ST3GAL3: variants seen among roughly 807,000 people sequenced by gnomAD.
ST3GAL3 encodes CMP-N-acetylneuraminate-beta-1,4-galactoside alpha-2,3-sialyltransferase.
A neutral mutation model predicts 50.1 loss-of-function variants in ST3GAL3; 21 were observed. The observed-to-expected ratio is 0.42, with a 90% CI of 0.30 to 0.60. The LOEUF is 0.60. Among genes scored for constraint, ST3GAL3 ranks in the 20% least tolerant of loss-of-function variants. The pLI, the probability that ST3GAL3 is intolerant of heterozygous loss-of-function variation, is 0.19. For missense variants in ST3GAL3, 353 were observed against 489.4 expected (o/e 0.72, Z 2.63); for synonymous variants, 183 against 190.0 (o/e 0.96, Z 0.30).
At chr1:43,797,621 A>G (rs1431141286) in intron 3 of ST3GAL3, among the ~76,000 whole-genome samples, 1 of 152,228 alleles carries the variant, frequency 6.6e-6, no homozygotes, top group Admixed American at 6.5e-5. Flanking sequence ...CTCAGCAAAC[A>G]TAGAAAGGAA....
chr1:43,760,588 T>A (rs1689911878), intron 2 of ST3GAL3, among the ~76,000 whole-genome samples: 1 of 152,110 alleles, frequency 6.6e-6, no homozygotes, highest in Non-Finnish European at 1.5e-5. Context: ...ACCCCGTCTC[T>A]ACTAAAAAAT....
At chr1:43,745,561 A>G (rs952339633) in intron 2 of ST3GAL3, among the ~76,000 whole-genome samples, 3 of 152,368 alleles carry the variant, frequency 2.0e-5, no homozygotes, top group African/African-American at 2.4e-5. Context: ...GTGACAGACC[A>G]CATATGCAAA....
chr1:43,919,015 C>T (rs1454249689), intron 9 of ST3GAL3: 2 of 145,426 alleles, frequency 1.4e-5, no homozygotes, highest in African/African-American at 5.0e-5. Flanking sequence ...TTTATCCATT[C>T]TAAGTTTAGT....
At chr1:43,710,566 G>A (rs751341746) in intron 1 of ST3GAL3, among the ~76,000 whole-genome samples, 7 of 152,112 alleles carry the variant, frequency 4.6e-5, no homozygotes, top group African/African-American at 7.2e-5. Context: ...TATCTGTTGC[G>A]TTAGGCACAG....
At chr1:43,744,346 T>C in intron 2 of ST3GAL3, among the ~76,000 whole-genome samples, 1 of 151,766 alleles carries the variant, frequency 6.6e-6, no homozygotes, top group East Asian at 1.9e-4. Context: ...ACCTCCTGGG[T>C]TCAAGCGATT....
At chr1:43,825,657 C>G (rs1051722239) in intron 4 of ST3GAL3, among the ~76,000 whole-genome samples, 11 of 152,164 alleles carry the variant, frequency 7.2e-5, no homozygotes, top group African/African-American at 2.7e-4. Context: ...GAAATATGGG[C>G]TTCATCTCAA....
At chr1:43,886,685 C>G (rs1020980347) in intron 5 of ST3GAL3, among the ~76,000 whole-genome samples, 3 of 152,080 alleles carry the variant, frequency 2.0e-5, no homozygotes, top group Non-Finnish European at 4.4e-5. Flanking sequence ...ACAGTAGTCC[C>G]AGAGGAGTAA....
At chr1:43,882,992 C>G (rs1316952825) in intron 5 of ST3GAL3, among the ~76,000 whole-genome samples, 5 of 121,690 alleles carry the variant, frequency 4.1e-5, no homozygotes, top group Non-Finnish European at 9.6e-5. Context: ...GACAGGCTCT[C>G]ACTCTGTTGC....
chr1:43,731,035 TA>T (rs1379697251), intron 1 of ST3GAL3, among the ~76,000 whole-genome samples: 2 of 152,006 alleles, frequency 1.3e-5, no homozygotes, highest in African/African-American at 2.4e-5. Flanking sequence ...TACTTAGTCT[TA>T]TTTTTTTTTT....
chr1:43,738,464 G>A (rs1401705388), intron 2 of ST3GAL3: 1 of 151,954 alleles, frequency 6.6e-6, no homozygotes, highest in Non-Finnish European at 1.5e-5. Context: ...CACCCTGCAT[G>A]GCTTACTAAA....
chr1:43,832,936 C>T (rs2063739799), intron 4 of ST3GAL3, among the ~76,000 whole-genome samples: 1 of 152,126 alleles, frequency 6.6e-6, no homozygotes, highest in South Asian at 2.1e-4. Flanking sequence ...ATGCATGTCC[C>T]CCTAGCATGG....
chr1:43,764,639 C>G (rs1005851296), intron 2 of ST3GAL3, among the ~76,000 whole-genome samples: 1 of 152,216 alleles, frequency 6.6e-6, no homozygotes, highest in Non-Finnish European at 1.5e-5. Flanking sequence ...AGTAAAAGGC[C>G]TCAGCCCACC....
intron 1 of ST3GAL3, among the ~76,000 whole-genome samples, chr1:43,731,437 T>C (rs1675773241): frequency 7.0e-6 from 1 of 143,240 alleles, no homozygotes; most frequent in Non-Finnish European, 1.5e-5. Flanking sequence ...CGGGCTGGAG[T>C]GCAGTGGCGC....
chr1:43,824,974 C>T lies in ST3GAL3; in HGVS notation c.209+10041C>T. 4.2e-6 allele frequency: 3 copies of T among 712,538 alleles called. No homozygotes were observed. The South Asian group carries it at 4.5e-5, about 11-fold the overall frequency. 44.1% of individuals were successfully genotyped at this position (712,538 alleles called of 1,614,324 possible). A position where few individuals can be genotyped will look rare whatever the true frequency, so the allele number is the denominator to read the frequency against. On this transcript the variant is annotated intron_variant, in intron 4 of 11. Coordinates refer to ENST00000347631, the MANE Select transcript of ST3GAL3 (RefSeq NM_006279.5). ...CCTGTCTCAGGAAGTCTCCACTTCC[C>T]CAGGTAATTGATACCAAGAATAAAT...
intron 1 of ST3GAL3, chr1:43,709,532 T>G (rs888509857): frequency 1.3e-5 from 2 of 151,840 alleles, no homozygotes; most frequent in Non-Finnish European, 2.9e-5. Context: ...CACAGGCAGG[T>G]GACCTGGAGA....
At chr1:43,917,708 A>T (rs1392188231) in intron 9 of ST3GAL3, among the ~76,000 whole-genome samples, 1 of 128,844 alleles carries the variant, frequency 7.8e-6, no homozygotes, top group Non-Finnish European at 1.6e-5. Context: ...TCACTCTGTC[A>T]TTCACGCTGG....
At chr1:43,734,032 C>T (rs1034267956) in intron 1 of ST3GAL3, among the ~76,000 whole-genome samples, 1 of 151,994 alleles carries the variant, frequency 6.6e-6, no homozygotes, top group Non-Finnish European at 1.5e-5. Flanking sequence ...ATCGCTTGAA[C>T]CCGGGGAGGT....
At position 43,849,667 on chromosome 1, in the gene ST3GAL3, C is replaced by T. The variant is rs78740486; in HGVS notation, c.302+11356C>T. 3.3e-3 allele frequency among the ~76,000 whole-genome samples: 508 copies of T among 152,280 alleles called. 2 individuals carry two copies. Among genetic ancestry groups the T allele is most frequent in the Admixed American group, 5.1e-3 (78 of 15,300 alleles). On this transcript the variant is annotated intron_variant, in intron 5 of 11. Transcript: ENST00000347631. ...CAGGAAAGCCTGGTTGATTCTCACA[C>T]CAGTATGGGACTGGGATTTCCCAGG...
intron 2 of ST3GAL3, among the ~76,000 whole-genome samples, chr1:43,751,511 G>T (rs1388337467): frequency 6.6e-6 from 1 of 152,170 alleles, no homozygotes; most frequent in Admixed American, 6.5e-5. Context: ...CAGATACTCT[G>T]CAGCCATTGA....
Sources: allele counts gnomAD v4.1 joint callset (sites outside exome capture counted in the v4.1 genomes callset), GRCh38; gene constraint gnomAD v4.1.1; transcripts MANE v1.5; gene names NCBI Gene and HGNC (gene_info 2026-07-23, HGNC 2026-07-21).